Variants in FBXL13 observed in about 807,000 individuals in gnomAD.
FBXL13 encodes F-box and leucine-rich repeat protein 13.
FBXL13 carries 67 observed loss-of-function variants against 83.6 expected under a neutral mutation model. The observed-to-expected ratio is 0.80, with a 90% CI of 0.66 to 0.98. The LOEUF (loss-of-function observed/expected upper bound fraction) is 0.98. FBXL13 is among the 50% of genes least tolerant of loss of function. FBXL13 has a pLI of 0.00. For synonymous variants in FBXL13, 272 were observed against 299.5 expected (o/e 0.91, Z 0.95); for missense variants, 822 against 866.5 (o/e 0.95, Z 0.64).
intron 1 of FBXL13, among the ~76,000 whole-genome samples, chr7:103,064,368 G>A (rs957004686): frequency 6.6e-6 from 1 of 152,210 alleles, no homozygotes; most frequent in Admixed American, 6.5e-5. Flanking sequence ...AAGAGACAGC[G>A]TATAGAATAA....
intron 8 of FBXL13, among the ~76,000 whole-genome samples, chr7:102,947,047 C>G (rs1822645427): frequency 6.6e-6 from 1 of 152,152 alleles, no homozygotes; most frequent in South Asian, 2.1e-4. Context: ...CGTTACTTCT[C>G]CATGCAAATC....
chr7:103,023,270 C>T (rs1295196643), intron 6 of FBXL13, among the ~76,000 whole-genome samples: 2 of 151,716 alleles, frequency 1.3e-5, no homozygotes, highest in Admixed American at 6.6e-5. Flanking sequence ...AATGAGACTC[C>T]GTCTCAAACA....
chr7:103,063,408 T>C (rs565611116), intron 1 of FBXL13, among the ~76,000 whole-genome samples: 3 of 152,214 alleles, frequency 2.0e-5, no homozygotes, highest in Admixed American at 1.3e-4. Flanking sequence ...ATAGGTTATA[T>C]ACAAATGCTA....
chr7:103,036,772 A>G (rs1392569390), intron 2 of FBXL13, among the ~76,000 whole-genome samples: 3 of 152,170 alleles, frequency 2.0e-5, no homozygotes, highest in Non-Finnish European at 4.4e-5. Flanking sequence ...TCGGCCTCCC[A>G]AAGTGTTGGG....
chr7:103,028,821 A>G, intron 3 of FBXL13, 73 bp from the exon 5 acceptor site: 1 of 1,265,314 alleles, frequency 7.9e-7, no homozygotes, highest in Non-Finnish European at 1.0e-6. Flanking sequence ...TAAATTAAGG[A>G]GAACAAAGAA....
chr7:102,855,119 G>A (rs1469035897), intron 16 of FBXL13, among the ~76,000 whole-genome samples: 1 of 152,132 alleles, frequency 6.6e-6, no homozygotes, highest in Non-Finnish European at 1.5e-5. Flanking sequence ...AAACTCCTTA[G>A]GAGGTTATTA....
At chr7:102,867,695 A>ATATATATATATTTT (rs1239781180) in intron 16 of FBXL13, among the ~76,000 whole-genome samples, 1 of 49,078 alleles carries the variant, frequency 2.0e-5, no homozygotes, top group African/African-American at 1.2e-4. Flanking sequence ...ATATATATAT[A>ATATATATATATTTT]TTTTTTTTTT....
intron 10 of FBXL13, among the ~76,000 whole-genome samples, chr7:102,919,082 G>C (rs1816482305): frequency 6.6e-6 from 1 of 152,170 alleles, no homozygotes; most frequent in Admixed American, 6.5e-5. Context: ...GCTCATGGGA[G>C]TTGATTGTTA....
At chr7:102,844,701 A>G (rs1407162902) in intron 17 of FBXL13, among the ~76,000 whole-genome samples, 2 of 152,176 alleles carry the variant, frequency 1.3e-5, no homozygotes, top group African/African-American at 4.8e-5. Context: ...ATGTTCTACA[A>G]TTTAATTCAA....
chr7:102,950,069 T>C (rs1364071828), intron 8 of FBXL13, among the ~76,000 whole-genome samples: 1 of 151,932 alleles, frequency 6.6e-6, no homozygotes, highest in Admixed American at 6.6e-5. Flanking sequence ...TGTACCACTA[T>C]ATTCCAGTCT....
At chr7:103,047,758 G>A (rs865785544) in intron 2 of FBXL13, among the ~76,000 whole-genome samples, 3 of 152,138 alleles carry the variant, frequency 2.0e-5, no homozygotes, top group East Asian at 1.9e-4. Flanking sequence ...GCAGAGGCAC[G>A]ATCTTGCCTC....
At chr7:103,024,184 A>AGAGAGAGAGG (rs1793577421) in intron 6 of FBXL13, among the ~76,000 whole-genome samples, 2 of 145,282 alleles carry the variant, frequency 1.4e-5, no homozygotes, top group South Asian at 2.2e-4. Flanking sequence ...AGAGAGAGAG[A>AGAGAGAGAGG]GAAATAATTA....
intron 6 of FBXL13, among the ~76,000 whole-genome samples, chr7:102,990,448 A>G (rs1378278825): frequency 6.6e-6 from 1 of 152,192 alleles, no homozygotes; most frequent in Non-Finnish European, 1.5e-5. Flanking sequence ...GTAATAGTGG[A>G]GCTGAAAAGA....
intron 16 of FBXL13, among the ~76,000 whole-genome samples, chr7:102,855,639 C>G (rs142052456): frequency 6.6e-6 from 1 of 151,862 alleles, no homozygotes; most frequent in South Asian, 2.1e-4. Context: ...TTGTTCCCCC[C>G]ACCACCCCCC....
intron 6 of FBXL13, among the ~76,000 whole-genome samples, chr7:103,000,247 C>T (rs1790251802): frequency 6.6e-6 from 1 of 152,142 alleles, no homozygotes; most frequent in African/African-American, 2.4e-5. Context: ...GTGGCTCACA[C>T]CTGTAATCCA....
intron 14 of FBXL13, among the ~76,000 whole-genome samples, chr7:102,880,347 C>T (rs1033823651): frequency 1.3e-5 from 2 of 152,120 alleles, no homozygotes; most frequent in Non-Finnish European, 2.9e-5. Context: ...ATATGTTATA[C>T]TTTTTCATCC....
intron 6 of FBXL13, among the ~76,000 whole-genome samples, chr7:102,978,933 T>A (rs902967345): frequency 2.6e-5 from 4 of 152,196 alleles, no homozygotes; most frequent in Non-Finnish European, 4.4e-5. Context: ...CAATACTTGA[T>A]AGATCAATGC....
At chr7:102,920,096 G>A (rs967070971) in intron 10 of FBXL13, among the ~76,000 whole-genome samples, 2 of 152,202 alleles carry the variant, frequency 1.3e-5, no homozygotes, top group African/African-American at 4.8e-5. Context: ...GACAATTGAA[G>A]TGTATTAGAT....
chr7:102,973,524 C>T (rs545644060), intron 6 of FBXL13: 1 of 764,174 alleles, frequency 1.3e-6, no homozygotes, highest in African/African-American at 1.7e-5. Context: ...TGCCTGCACC[C>T]AGGCGCTCAT....
Sources: allele counts gnomAD v4.1 joint callset (sites outside exome capture counted in the v4.1 genomes callset), GRCh38; gene constraint gnomAD v4.1.1; transcripts MANE v1.5; gene names NCBI Gene and HGNC (gene_info 2026-07-23, HGNC 2026-07-21).